The following KIF24 variants were observed in gnomAD, a reference collection of about 807,000 sequenced individuals.
KIF24 encodes the protein kinesin family member 24, also known as kinesin-like protein KIF24.
In KIF24, 81 loss-of-function variants were observed where a neutral mutation model predicts 118.9. That is an observed-to-expected ratio of 0.68 (90% CI 0.57 to 0.82). The LOEUF is 0.82. KIF24 is among the 40% of genes least tolerant of loss of function. KIF24 has a pLI of 0.00. For synonymous variants in KIF24, 599 were observed against 610.0 expected (o/e 0.98, Z 0.27); for missense variants, 1,560 against 1,661.6 (o/e 0.94, Z 1.06).
At chr9:34,323,670 T>G (rs927726513) in intron 1 of KIF24, among the ~76,000 whole-genome samples, 1 of 152,230 alleles carries the variant, frequency 6.6e-6, no homozygotes, top group Non-Finnish European at 1.5e-5. Context: ...TTTCATAAAT[T>G]ACCAAGATGA....
chr9:34,263,753 T>TTG (rs397709803), intron 8 of KIF24, among the ~76,000 whole-genome samples: 2 of 146,656 alleles, frequency 1.4e-5, no homozygotes, highest in East Asian at 2.0e-4. Context: ...TTTTTTTTTT[T>TTG]GTAGAGATGG....
At chr9:34,277,358 G>A (rs764918060) in intron 6 of KIF24, among the ~76,000 whole-genome samples, 25 of 152,262 alleles carry the variant, frequency 1.6e-4, no homozygotes, top group Middle Eastern at 3.4e-3. Flanking sequence ...ATATTGTCAG[G>A]CCAGGAATAG....
chr9:34,325,280 G>A (rs566764613), intron 1 of KIF24, among the ~76,000 whole-genome samples: 2 of 151,964 alleles, frequency 1.3e-5, no homozygotes, highest in Non-Finnish European at 1.5e-5. Flanking sequence ...AGGAGGTTGA[G>A]GCTGCAGTGA....
chr9:34,311,718 G>A lies in KIF24; in HGVS notation c.-25-347C>T, dbSNP rs10972051. Reference sequence around the variant, plus strand: ...TATATGTACATATATACGTATATATGTATATACACGTATATATATACATAT... The same window carrying A: ...TATATGTACATATATACGTATATATATATATACACGTATATATATACATAT... On this transcript the variant is annotated intron_variant, in intron 1 of 12. Transcript: ENST00000402558. Among the ~76,000 whole-genome samples, 777 of 134,012 alleles carry A rather than the reference G, an allele frequency of 5.8e-3. 4 individuals are homozygous for A. Among genetic ancestry groups the A allele is most frequent in the Admixed American group, 0.01 (129 of 12,598 alleles). The allele number at this position is 134,012 out of a possible 152,430, so 87.9% of individuals were successfully genotyped here.
In KIF24 at chr9:34,257,476, G is replaced by GCTGCACTGT. The variant is rs1213570481; in HGVS notation, c.2122_2130dup (p.Thr708_Gln710dup). On this transcript the variant is annotated inframe_insertion, in exon 11 of 13. Coordinates refer to ENST00000402558, the MANE Select transcript of KIF24 (RefSeq NM_194313.4). ...CGAGACACAAGCTGCTTCTGTACTGGCTGCACTGTCTGCACTTTCTTGCAC... is the reference window on the plus strand; with the variant it reads ...CGAGACACAAGCTGCTTCTGTACTGGCTGCACTGTCTGCACTGTCTGCACTTTCTTGCAC... 6.2e-7 allele frequency: 1 copy of GCTGCACTGT among 1,614,040 alleles called. No homozygotes were observed. Among genetic ancestry groups the GCTGCACTGT allele is most frequent in the Non-Finnish European group, 8.5e-7 (1 of 1,179,906 alleles).
At position 34,327,849 on chromosome 9, in the gene KIF24, T is replaced by TAA. The variant is rs1199979433; in HGVS notation, c.-26+1255_-26+1256dup. On this transcript the variant is annotated intron_variant, in intron 1 of 12. Coordinates refer to ENST00000402558, the MANE Select transcript of KIF24 (RefSeq NM_194313.4). ...GACATTTTCTCTAATAAAAAAAAAA[T>TAA]AATAATAATAATAAAGGGACTAAAT... Among the ~76,000 whole-genome samples the TAA allele has an allele frequency of 1.3e-4, 16 of 120,062 alleles. No individual in the cohort carries two copies. The East Asian group carries it at 2.1e-3, about 16-fold the overall frequency. 78.8% of individuals were successfully genotyped at this position (120,062 alleles called of 152,430 possible).
intron 1 of KIF24, chr9:34,319,685 G>A: frequency 1.3e-6 from 1 of 745,688 alleles, no homozygotes; most frequent in East Asian, 2.7e-5. Flanking sequence ...GATGGCAGGA[G>A]GCAGCCAAAG....
At chr9:34,286,101 A>G (rs1301882198) in intron 6 of KIF24, among the ~76,000 whole-genome samples, 1 of 151,940 alleles carries the variant, frequency 6.6e-6, no homozygotes, top group Non-Finnish European at 1.5e-5. Context: ...TGGGAGGTCG[A>G]GGCGGGTGGA....
intron 9 of KIF24, among the ~76,000 whole-genome samples, chr9:34,262,669 A>ATATATGT (rs1563936562): frequency 2.5e-5 from 1 of 39,932 alleles, no homozygotes; most frequent in Non-Finnish European, 4.7e-5. Context: ...AAAAAAAAAA[A>ATATATGT]AAAAAAATAT....
intron 6 of KIF24, among the ~76,000 whole-genome samples, chr9:34,272,172 C>G (rs1344817418): frequency 1.3e-5 from 2 of 152,206 alleles, no homozygotes; most frequent in Non-Finnish European, 2.9e-5. Context: ...AGCTAATTTA[C>G]TTCTTGATCT....
intron 2 of KIF24, among the ~76,000 whole-genome samples, chr9:34,308,238 G>A (rs558669491): frequency 1.3e-5 from 2 of 151,842 alleles, no homozygotes; most frequent in South Asian, 2.1e-4. Context: ...AAAATGCCAG[G>A]ATTGCAGGCA....
chr9:34,285,365 C>G (rs577714410), intron 6 of KIF24, among the ~76,000 whole-genome samples: 4 of 151,938 alleles, frequency 2.6e-5, no homozygotes, highest in Non-Finnish European at 4.4e-5. Flanking sequence ...CGGTGGCTCA[C>G]GCCTGTAATC....
At chr9:34,296,730 TC>T (rs1355141214) in intron 4 of KIF24, among the ~76,000 whole-genome samples, 3 of 109,680 alleles carry the variant, frequency 2.7e-5, no homozygotes, top group Non-Finnish European at 7.4e-5. Context: ...GCTTAATTTT[TC>T]TTTTTTTTTT....
chr9:34,270,011 G>A (rs1001622002), intron 7 of KIF24, among the ~76,000 whole-genome samples: 2 of 147,066 alleles, frequency 1.4e-5, no homozygotes, highest in African/African-American at 2.5e-5. Context: ...ATCACGAGGT[G>A]AAGAGATCAA....
chr9:34,257,333 C>T lies in KIF24; in HGVS notation c.2274G>A (p.Lys758=), dbSNP rs746763425. ...AGAAACGCAGATGTTCCTCCCTCTCCTTCTGATGTGGCGGGATGTTTGTCC... is the reference window on the plus strand; with the variant it reads ...AGAAACGCAGATGTTCCTCCCTCTCTTTCTGATGTGGCGGGATGTTTGTCC... The part of the protein sequence containing the change: ...EAWTNIPPHQ[K]EREEHLRFYH... Residue 758 remains lysine (K), a synonymous_variant, in exon 11 of 13, where the codon AAG becomes AAA. Transcript: ENST00000402558. The T allele has an allele frequency of 3.1e-6, 5 of 1,614,052 alleles. No individual in the cohort carries two copies. The highest frequency in any genetic ancestry group is 1.6e-4 in the Middle Eastern group (1 of 6,062).
chr9:34,281,088 C>T (rs1402869567), intron 6 of KIF24, among the ~76,000 whole-genome samples: 4 of 152,104 alleles, frequency 2.6e-5, no homozygotes, highest in African/African-American at 2.4e-5. Flanking sequence ...TGCAATGGCA[C>T]GATCTCTGGT....
At chr9:34,317,731 A>AT (rs1320279216) in intron 1 of KIF24, among the ~76,000 whole-genome samples, 7 of 152,290 alleles carry the variant, frequency 4.6e-5, no homozygotes, top group Admixed American at 3.3e-4. Context: ...GGGTATTGCA[A>AT]TGCTTGTGTT....
At chr9:34,329,521 A>G (rs1159499957), upstream of KIF24, 2 of 152,200 alleles carry the variant, frequency 1.3e-5, no homozygotes, top group African/African-American at 4.8e-5. Context: ...GATGGGCCCA[A>G]GCGTAACCAG....
chr9:34,298,510 C>T (rs1836571442), intron 3 of KIF24, among the ~76,000 whole-genome samples: 2 of 150,486 alleles, frequency 1.3e-5, no homozygotes, highest in African/African-American at 4.9e-5. Context: ...CGCACCATTG[C>T]ACTCCAGCCT....
Sources: allele counts gnomAD v4.1 joint callset (sites outside exome capture counted in the v4.1 genomes callset), GRCh38; gene constraint gnomAD v4.1.1; transcripts MANE v1.5; gene names NCBI Gene and HGNC (gene_info 2026-07-23, HGNC 2026-07-21).